Variants in ZNF469 observed in about 807,000 individuals in gnomAD.
ZNF469 encodes the protein zinc finger protein 469.
Under a neutral mutation model 1.0 loss-of-function variants are expected in ZNF469, and 1 was observed. The observed-to-expected ratio is 1.00, with a 90% CI of 0.35 to 4.73. ZNF469 has a LOEUF of 4.73. Among genes scored for constraint, ZNF469 ranks in the 30% most tolerant of loss-of-function variants. The pLI is 0.16. For missense variants in ZNF469, 6,100 were observed against 5,356.3 expected (o/e 1.14, Z -4.33); for synonymous variants, 2,703 against 2,363.4 (o/e 1.14, Z -4.17).
At chr16:88,321,346 C>G in the ZNF469 span, among the ~76,000 whole-genome samples, 1 of 152,404 alleles carries the variant, frequency 6.6e-6, no homozygotes, top group African/African-American at 2.4e-5. Context: ...AAGGCCTTGC[C>G]TGATTGGATG....
At chr16:88,156,293 T>C in the ZNF469 span, among the ~76,000 whole-genome samples, 1 of 152,248 alleles carries the variant, frequency 6.6e-6, no homozygotes, top group East Asian at 1.9e-4. Flanking sequence ...GTGTCATATA[T>C]AAGAAACCAT....
chr16:88,124,368 G>C, the ZNF469 span, among the ~76,000 whole-genome samples: 127 of 152,212 alleles, frequency 8.3e-4, no homozygotes, highest in African/African-American at 2.9e-3. Flanking sequence ...TGGGACTTCA[G>C]GCACATGCCA....
At chr16:88,384,057 C>T (rs1400734601) in intron 1 of ZNF469, among the ~76,000 whole-genome samples, 1 of 152,236 alleles carries the variant, frequency 6.6e-6, no homozygotes, top group Non-Finnish European at 1.5e-5. Flanking sequence ...GCTCAGCTGC[C>T]AAGTCCGCTC....
chr16:88,325,449 C>T, the ZNF469 span, among the ~76,000 whole-genome samples: 1 of 152,376 alleles, frequency 6.6e-6, no homozygotes, highest in East Asian at 1.9e-4. Flanking sequence ...GCGGGGCAGC[C>T]GCTGAGTACC....
At chr16:88,126,872 T>A in the ZNF469 span, among the ~76,000 whole-genome samples, 242 of 151,934 alleles carry the variant, frequency 1.6e-3, 2 homozygotes, top group African/African-American at 5.7e-3. Context: ...CAGGCTGGAG[T>A]GCAGTGGGGC....
At chr16:88,291,496 CG>C in the ZNF469 span, among the ~76,000 whole-genome samples, 4 of 152,218 alleles carry the variant, frequency 2.6e-5, no homozygotes, top group African/African-American at 9.7e-5. Flanking sequence ...CTCTTCGCAT[CG>C]GGCAGCCATC....
At position 88,438,450 on chromosome 16, in the gene ZNF469, G is replaced by T. The variant is rs996190496; in HGVS notation, c.10980G>T (p.Gly3660=). Reference sequence around the variant, plus strand: ...CAAGCCACATGGTGTCTGAGGGGGGGCCCCGAGGCGCCTTCCACAAGGGCA... The same window carrying T: ...CAAGCCACATGGTGTCTGAGGGGGGTCCCCGAGGCGCCTTCCACAAGGGCA... ...VSSSHMVSEG[G]PRGAFHKGSA... is the part of the protein sequence containing the mutation. Residue 3660 remains glycine, a synonymous_variant, in exon 3 of 3, where the codon GGG becomes GGT. Transcript: ENST00000565624. 8 of 1,550,032 alleles carry T rather than the reference G, an allele frequency of 5.2e-6. No homozygotes were observed. In the African/African-American group the frequency reaches 9.6e-5, roughly 19 times the overall value.
the ZNF469 span, among the ~76,000 whole-genome samples, chr16:88,102,060 C>CG: frequency 7.2e-6 from 1 of 139,218 alleles, no homozygotes; most frequent in Non-Finnish European, 1.6e-5. Context: ...TTCACCCCCC[C>CG]ACCCCCGCCC....
intron 1 of ZNF469, among the ~76,000 whole-genome samples, chr16:88,422,905 CGG>C (rs1567506695): frequency 5.6e-5 from 8 of 141,768 alleles, no homozygotes; most frequent in Non-Finnish European, 7.6e-5. Context: ...GACGGACAGA[CGG>C]ACGGATGGGT....
At chr16:88,135,053 C>T in the ZNF469 span, among the ~76,000 whole-genome samples, 4,415 of 152,332 alleles carry the variant, frequency 0.029, 209 homozygotes, top group African/African-American at 0.1. Flanking sequence ...CCTGCCTCAC[C>T]GATGAAGCCA....
the ZNF469 span, among the ~76,000 whole-genome samples, chr16:88,321,743 T>C: frequency 1.3e-5 from 2 of 152,212 alleles, no homozygotes. Context: ...CCTTGGCTTC[T>C]GCACATGAGG....
chr16:88,393,611 G>T (rs560346480), intron 1 of ZNF469, among the ~76,000 whole-genome samples: 1 of 152,340 alleles, frequency 6.6e-6, no homozygotes, highest in African/African-American at 2.4e-5. Flanking sequence ...TGCCCGGGCA[G>T]GAGGAGGGGT....
At chr16:88,302,047 C>T in the ZNF469 span, among the ~76,000 whole-genome samples, 6 of 152,336 alleles carry the variant, frequency 3.9e-5, no homozygotes, top group South Asian at 1.0e-3. Flanking sequence ...CTGAGCCTGG[C>T]TCACGGGCAG....
chr16:88,228,825 T>A, the ZNF469 span, among the ~76,000 whole-genome samples: 1 of 152,162 alleles, frequency 6.6e-6, no homozygotes, highest in Non-Finnish European at 1.5e-5. Context: ...ATGTCATAAA[T>A]GGCTTTTATT....
the ZNF469 span, among the ~76,000 whole-genome samples, chr16:88,208,398 C>T: frequency 1.4e-4 from 21 of 148,466 alleles, no homozygotes; most frequent in Middle Eastern, 3.4e-3. Context: ...GGTGCTAGTG[C>T]GCTCATTACT....
the ZNF469 span, among the ~76,000 whole-genome samples, chr16:88,362,565 G>A: frequency 1.3e-5 from 2 of 152,120 alleles, no homozygotes; most frequent in South Asian, 4.1e-4. Flanking sequence ...CTTTAAAGAT[G>A]TTGTTCTACT....
chr16:88,162,677 C>A, the ZNF469 span, among the ~76,000 whole-genome samples: 18 of 151,280 alleles, frequency 1.2e-4, no homozygotes, highest in African/African-American at 4.3e-4. Flanking sequence ...AGTGCCCCCC[C>A]CCTTTTATTC....
rs1408988353 is a variant in ZNF469, at chr16:88,428,703, C to T, written c.1233C>T (p.Tyr411=). 1.0e-5 allele frequency: 16 copies of T among 1,549,034 alleles called. No individual in the cohort carries two copies. Among genetic ancestry groups the T allele is most frequent in the East Asian group, 2.4e-5 (1 of 40,912 alleles). ...AGAGGCACTTTCCAGGGCAGGCGTACAGAGCCAGTGGGGTGGACACCAGCC... is the reference window on the plus strand; with the variant it reads ...AGAGGCACTTTCCAGGGCAGGCGTATAGAGCCAGTGGGGTGGACACCAGCC... ...LPQRHFPGQA[Y]RASGVDTSPG... The change falls in exon 3 of 3, where the codon TAC becomes TAT. Residue 411 remains tyrosine (Y), a synonymous_variant. Transcript: ENST00000565624.
chr16:88,285,188 G>C, the ZNF469 span, among the ~76,000 whole-genome samples: 1 of 152,244 alleles, frequency 6.6e-6, no homozygotes, highest in Non-Finnish European at 1.5e-5. Context: ...CCAAAGGCCC[G>C]TGTGCCCGGA....
Sources: gnomAD v4.1 joint callset for allele counts (sites outside exome capture counted in the v4.1 genomes callset) on GRCh38, gnomAD v4.1.1 for gene constraint, MANE v1.5 for transcripts, NCBI Gene and HGNC (gene_info 2026-07-23, HGNC 2026-07-21) for gene names.